Variants in GSE1 observed in about 807,000 individuals in gnomAD.
The protein encoded by GSE1 is genetic suppressor element 1.
A neutral mutation model predicts 112.6 loss-of-function variants in GSE1; 32 were observed. The ratio of observed to expected loss-of-function variants is 0.28; its 90% CI spans 0.21 to 0.38. The LOEUF (loss-of-function observed/expected upper bound fraction) is 0.38. Among genes scored for constraint, GSE1 ranks in the 10% least tolerant of loss-of-function variants. The pLI is 1.00. For synonymous variants in GSE1, 1,115 were observed against 735.6 expected (o/e 1.52, Z -8.35); for missense variants, 2,348 against 1,699.2 (o/e 1.38, Z -6.71).
intron 1 of GSE1, among the ~76,000 whole-genome samples, chr16:85,206,437 C>A (rs1309490860): frequency 6.6e-6 from 1 of 152,140 alleles, no homozygotes; most frequent in Non-Finnish European, 1.5e-5. Flanking sequence ...CTGGAACCAG[C>A]AGCCAGGAGC....
Position 85,217,379 on chromosome 16 carries a change from C to T in GSE1, c.2283+45572C>T, listed in dbSNP as rs182201388. ...CCTGGTCAGGTGGGCCAGAAGAAGC[C>T]GCCACGCCTGGGACCATGCGAAGGC... On this transcript the variant is annotated intron_variant, in intron 1 of 2. Transcript: ENST00000637419. Among the ~76,000 whole-genome samples the T allele has an allele frequency of 3.9e-5, 6 of 152,296 alleles. No individual in the cohort carries two copies. In the South Asian group the frequency reaches 6.2e-4, roughly 16 times the overall value.
chr16:85,572,094 TACCACACACAC>T (rs903383417), intron 1 of GSE1, among the ~76,000 whole-genome samples: 5 of 137,418 alleles, frequency 3.6e-5, no homozygotes, highest in African/African-American at 1.1e-4. Flanking sequence ...ACACCCCACA[TACCACACACAC>T]ACCACACACA....
At chr16:85,535,275 C>A (rs1046530435) in intron 2 of GSE1, among the ~76,000 whole-genome samples, 22 of 152,360 alleles carry the variant, frequency 1.4e-4, no homozygotes, top group African/African-American at 5.1e-4. Context: ...CACAGTCATA[C>A]AACAAGGCAT....
At chr16:85,173,034 T>C (rs768835840) in intron 1 of GSE1, among the ~76,000 whole-genome samples, 1 of 152,236 alleles carries the variant, frequency 6.6e-6, no homozygotes, top group Non-Finnish European at 1.5e-5. Context: ...TCGTTTTAAT[T>C]GGATGAGCAC....
intron 1 of GSE1, among the ~76,000 whole-genome samples, chr16:85,349,477 C>T (rs927612166): frequency 6.6e-5 from 10 of 152,038 alleles, no homozygotes; most frequent in African/African-American, 2.4e-4. Flanking sequence ...GTCCATGTTC[C>T]CTTCTCTCCC....
chr16:85,430,895 G>T (rs1431988565), intron 2 of GSE1, among the ~76,000 whole-genome samples: 1 of 152,232 alleles, frequency 6.6e-6, no homozygotes, highest in East Asian at 1.9e-4. Flanking sequence ...GTCAGCGTGA[G>T]GCCTGGGAGC....
chr16:85,476,151 C>G (rs184190591), intron 2 of GSE1, among the ~76,000 whole-genome samples: 10 of 152,320 alleles, frequency 6.6e-5, no homozygotes, highest in Admixed American at 6.5e-4. Context: ...AGGCTGGCCT[C>G]GAACTGCTGA....
intron 2 of GSE1, among the ~76,000 whole-genome samples, chr16:85,641,322 C>T (rs1002176234): frequency 1.3e-5 from 2 of 152,252 alleles, no homozygotes; most frequent in Non-Finnish European, 2.9e-5. Context: ...CCCGGCAAAA[C>T]GCATCTCCAG....
In GSE1 at chr16:85,577,437, C is replaced by T. The variant is rs562937842; in HGVS notation, c.37+21074C>T. On this transcript the variant is annotated intron_variant, in intron 1 of 2. Transcript: ENST00000635906. The stretch of plus-strand genomic sequence containing the variant: ...GTCTGCTGTGACAAGGACCCCACCA[C>T]CCCACCCAGCAGCTGGAGGACATCC... 7.2e-5 allele frequency among the ~76,000 whole-genome samples: 11 copies of T among 152,336 alleles called. No individual in the cohort carries two copies. In the South Asian group the frequency reaches 2.1e-3, roughly 29 times the overall value.
At chr16:85,569,674 A>G (rs2045901042) in intron 1 of GSE1, among the ~76,000 whole-genome samples, 1 of 152,232 alleles carries the variant, frequency 6.6e-6, no homozygotes, top group South Asian at 2.1e-4. Context: ...GCTCAGTGCC[A>G]GCACACACGG....
At chr16:85,261,649 G>A (rs980880159) in intron 1 of GSE1, among the ~76,000 whole-genome samples, 5 of 152,172 alleles carry the variant, frequency 3.3e-5, no homozygotes, top group East Asian at 1.9e-4. Flanking sequence ...ATGGGTTCCC[G>A]ACCATCTTGA....
intron 2 of GSE1, among the ~76,000 whole-genome samples, chr16:85,446,611 G>A (rs548977789): frequency 5.9e-5 from 9 of 152,268 alleles, no homozygotes; most frequent in East Asian, 1.9e-4. Context: ...GGTGGGGCTC[G>A]ACCCCTATGG....
intron 2 of GSE1, among the ~76,000 whole-genome samples, chr16:85,440,772 T>G (rs1054314785): frequency 2.6e-5 from 4 of 152,218 alleles, no homozygotes; most frequent in Non-Finnish European, 4.4e-5. Context: ...GGTGGGGCCT[T>G]GCTGGGAGCT....
intron 2 of GSE1, among the ~76,000 whole-genome samples, chr16:85,541,076 A>G (rs2044502154): frequency 6.6e-6 from 1 of 151,332 alleles, no homozygotes; most frequent in Non-Finnish European, 1.5e-5. Context: ...CGACAGGGAG[A>G]ATGGTGGGGA....
upstream of GSE1, among the ~76,000 whole-genome samples, chr16:85,606,739 A>G (rs942782609): frequency 4.6e-5 from 7 of 152,210 alleles, no homozygotes; most frequent in Admixed American, 2.0e-4. Flanking sequence ...CACCTGGGAC[A>G]CTTAGACTTG....
At chr16:85,518,772 A>G (rs28703291) in intron 2 of GSE1, among the ~76,000 whole-genome samples, 45,835 of 151,676 alleles carry the variant, frequency 0.3, 7,285 homozygotes, top group East Asian at 0.43. Context: ...TGGGTTTAGC[A>G]CCCCTGTGGT....
At chr16:85,510,934 C>G (rs1305421710) in intron 2 of GSE1, among the ~76,000 whole-genome samples, 1 of 152,256 alleles carries the variant, frequency 6.6e-6, no homozygotes, top group Non-Finnish European at 1.5e-5. Context: ...ACCTTGACCA[C>G]TCTGTCAAAA....
chr16:85,541,145 C>A (rs751017023), intron 2 of GSE1, among the ~76,000 whole-genome samples: 3 of 152,106 alleles, frequency 2.0e-5, no homozygotes, highest in Non-Finnish European at 2.9e-5. Flanking sequence ...ATGGAATGTT[C>A]AGGAGGAGAC....
intron 2 of GSE1, among the ~76,000 whole-genome samples, chr16:85,500,929 T>C (rs1161512105): frequency 6.6e-6 from 1 of 151,756 alleles, no homozygotes; most frequent in African/African-American, 2.4e-5. Flanking sequence ...TCTGAGTCCC[T>C]TTTCCTCTTC....
Sources: allele counts gnomAD v4.1 joint callset (sites outside exome capture counted in the v4.1 genomes callset), GRCh38; gene constraint gnomAD v4.1.1; transcripts MANE v1.5; gene names NCBI Gene and HGNC (gene_info 2026-07-23, HGNC 2026-07-21).